The following CEP83 variants were observed in gnomAD, a reference collection of about 807,000 sequenced individuals.
CEP83 encodes the protein centrosomal protein of 83 kDa.
In CEP83, 70 loss-of-function variants were observed where a neutral mutation model predicts 101.9. The ratio of observed to expected loss-of-function variants is 0.69; its 90% CI spans 0.57 to 0.84. CEP83 has a LOEUF of 0.84. Among genes scored for constraint, CEP83 ranks in the 40% least tolerant of loss-of-function variants. CEP83 has a pLI of 0.00. For missense variants in CEP83, 715 were observed against 787.2 expected, an observed-to-expected ratio of 0.91 and a Z score of 1.10; for synonymous variants, 264 against 267.9, an observed-to-expected ratio of 0.99 and a Z score of 0.14.
intron 2 of CEP83, among the ~76,000 whole-genome samples, chr12:94,419,217 AT>A (rs1407625038): frequency 8.5e-5 from 13 of 152,094 alleles, no homozygotes; most frequent in Admixed American, 6.5e-4. Flanking sequence ...AATATTTTTT[AT>A]TTTTTTCAAT....
chr12:94,288,609 A>T, the CEP83 span, among the ~76,000 whole-genome samples: 2 of 152,260 alleles, frequency 1.3e-5, no homozygotes, highest in East Asian at 3.9e-4. Context: ...CAGCCTGTGG[A>T]GGATGTTCTG....
intron 14 of CEP83, among the ~76,000 whole-genome samples, chr12:94,325,334 G>A (rs568839627): frequency 1.3e-5 from 2 of 152,158 alleles, no homozygotes; most frequent in African/African-American, 4.8e-5. Flanking sequence ...CACCATGCCC[G>A]GCTAATTTTT....
At chr12:94,275,929 CAT>C in the CEP83 span, among the ~76,000 whole-genome samples, 1 of 147,982 alleles carries the variant, frequency 6.8e-6, no homozygotes, top group Non-Finnish European at 1.5e-5. Context: ...AAAATGAACA[CAT>C]ATCAATTTAT....
At chr12:94,369,197 G>C (rs976192176) in intron 9 of CEP83, 10 of 152,306 alleles carry the variant, frequency 6.6e-5, no homozygotes, top group African/African-American at 1.7e-4. Flanking sequence ...GCTCATGCCT[G>C]TAATCCCAGT....
At chr12:94,375,808 C>A (rs1373267291) in intron 8 of CEP83, 78 bp downstream of exon 8, 4 of 733,528 alleles carry the variant, frequency 5.5e-6, no homozygotes, top group Admixed American at 7.7e-5. Flanking sequence ...ATAAAGAAAT[C>A]AATTATTAAA....
intron 14 of CEP83, among the ~76,000 whole-genome samples, chr12:94,323,780 A>G (rs1177474365): frequency 6.6e-6 from 1 of 152,202 alleles, no homozygotes; most frequent in African/African-American, 2.4e-5. Flanking sequence ...AGTAAGGGGA[A>G]GCAGTCAATA....
At chr12:94,396,520 C>G (rs2062907766) in intron 6 of CEP83, among the ~76,000 whole-genome samples, 1 of 151,900 alleles carries the variant, frequency 6.6e-6, no homozygotes, top group African/African-American at 2.4e-5. Context: ...GATCTCCTGA[C>G]CCCGTGATCC....
rs2062363628 is a variant in CEP83 at position 94,389,266 on chromosome 12, TTC to T, written c.550-10226_550-10225del. ...CTTTCACTTCTTCAACTTCTGTAAA[TTC>T]TGATTTACAAATCTGAAATCAACTT... On this transcript the variant is annotated intron_variant, in intron 6 of 16. Coordinates refer to ENST00000397809, the MANE Select transcript of CEP83 (RefSeq NM_016122.3). 9.2e-5 allele frequency among the ~76,000 whole-genome samples: 14 copies of T among 152,320 alleles called. No individual in the cohort carries two copies. The South Asian group carries it at 2.9e-3, about 32-fold the overall frequency.
At chr12:94,421,509 T>C (rs1167642789) in intron 2 of CEP83, among the ~76,000 whole-genome samples, 1 of 152,268 alleles carries the variant, frequency 6.6e-6, no homozygotes, top group Non-Finnish European at 1.5e-5. Context: ...GGCTACCACA[T>C]GGATATGTAA....
the CEP83 span, among the ~76,000 whole-genome samples, chr12:94,273,907 G>T: frequency 6.6e-6 from 1 of 152,032 alleles, no homozygotes; most frequent in East Asian, 1.9e-4. Context: ...CTCCAAGCCG[G>T]TCCCTACATT....
At chr12:94,393,919 G>C (rs142012096) in intron 6 of CEP83, among the ~76,000 whole-genome samples, 1 of 152,278 alleles carries the variant, frequency 6.6e-6, no homozygotes, top group East Asian at 1.9e-4. Context: ...ACTTACAAGG[G>C]ATGTGAAGGA....
intron 11 of CEP83, among the ~76,000 whole-genome samples, chr12:94,341,938 T>C (rs1169264704): frequency 6.6e-6 from 1 of 152,168 alleles, no homozygotes; most frequent in African/African-American, 2.4e-5. Flanking sequence ...TATCATAGGA[T>C]AAAACATTAG....
chr12:94,392,013 A>G (rs541821496), intron 6 of CEP83, among the ~76,000 whole-genome samples: 83 of 152,292 alleles, frequency 5.5e-4, no homozygotes, highest in African/African-American at 1.9e-3. Flanking sequence ...ACCTACAAAG[A>G]GACTTAGACT....
chr12:94,368,418 T>A, intron 9 of CEP83: 3 of 517,120 alleles, frequency 5.8e-6, no homozygotes, highest in Non-Finnish European at 1.0e-5. Flanking sequence ...ACTGTTTATT[T>A]AGTGCATACA....
At chr12:94,305,362 TG>T, downstream of CEP83, 5 of 799,104 alleles carry the variant, frequency 6.3e-6, no homozygotes, top group South Asian at 7.9e-5. Flanking sequence ...AGCTACTCTG[TG>T]TCGTTAATTT....
chr12:94,343,470 C>CTTTTTTTTTTTTTTTTTTTT lies in CEP83; in HGVS notation c.1344-7826_1344-7807dup, dbSNP rs1161481202. The stretch of plus-strand genomic sequence containing the variant: ...ACAATGCAATAAAGCTAGAAATTAA[C>CTTTTTTTTTTTTTTTTTTTT]TTTTTTTTTTTTTTTTTTTTTTTTT... On this transcript the variant is annotated intron_variant, in intron 11 of 16. Transcript: ENST00000397809. Among the ~76,000 whole-genome samples the CTTTTTTTTTTTTTTTTTTTT allele has an allele frequency of 4.8e-5, 4 of 84,176 alleles. 1 individual carries two copies. The highest frequency in any genetic ancestry group is 2.1e-4 in the African/African-American group (4 of 19,070). The allele number at this position is 84,176 out of a possible 152,430, so 55.2% of individuals were successfully genotyped here. A position where few individuals can be genotyped will look rare whatever the true frequency, so the allele number is the denominator to read the frequency against.
At chr12:94,304,229 C>A (rs1266840908), downstream of CEP83, 2 of 514,720 alleles carry the variant, frequency 3.9e-6, no homozygotes, top group Admixed American at 3.5e-5. Flanking sequence ...GGCTGCCCCC[C>A]TTACAGTTTT....
At chr12:94,362,432 C>G (rs1276241528) in intron 11 of CEP83, among the ~76,000 whole-genome samples, 1 of 152,088 alleles carries the variant, frequency 6.6e-6, no homozygotes, top group Non-Finnish European at 1.5e-5. Flanking sequence ...CCAGCCTGGC[C>G]AACACAGTGA....
At chr12:94,420,979 T>G (rs1268220196) in intron 2 of CEP83, among the ~76,000 whole-genome samples, 1 of 152,116 alleles carries the variant, frequency 6.6e-6, no homozygotes, top group Non-Finnish European at 1.5e-5. Flanking sequence ...GGAGGTTTGC[T>G]TTGTAACTTG....
Sources: gnomAD v4.1 joint callset for allele counts (sites outside exome capture counted in the v4.1 genomes callset) on GRCh38, gnomAD v4.1.1 for gene constraint, MANE v1.5 for transcripts, NCBI Gene and HGNC (gene_info 2026-07-23, HGNC 2026-07-21) for gene names.